Variants in TUBA4B observed in about 807,000 individuals in gnomAD.
The protein encoded by TUBA4B is tubulin-like protein alpha-4B.
Under a neutral mutation model 18.4 loss-of-function variants are expected in TUBA4B, and 13 were observed. The ratio of observed to expected loss-of-function variants is 0.71; its 90% CI spans 0.46 to 1.12. TUBA4B has a LOEUF of 1.12. TUBA4B is among the 50% of genes most tolerant of loss of function. TUBA4B has a pLI of 0.00. For missense variants in TUBA4B, 244 were observed against 250.0 expected (o/e 0.98, Z 0.16); for synonymous variants, 101 against 99.1 (o/e 1.02, Z -0.11).
rs778296774 is a variant in TUBA4B at position 219,271,213 on chromosome 2, T to G, written c.240T>G (p.Leu80=). The stretch of plus-strand genomic sequence containing the variant: ...AGGGCTTCCTGGTGTTCCACAGCCT[T>G]GGTCGGGGCACTGGCTCTGACGTCA... ...GLQGFLVFHS[L]GRGTGSDVTS... is the part of the protein sequence containing the mutation. The change falls in exon 4 of 4, where the codon CTT becomes CTG. Residue 80 remains leucine, a synonymous_variant. Coordinates refer to ENST00000490341, the MANE Select transcript of TUBA4B (RefSeq NM_001355221.1). 2 of 1,141,196 alleles carry G rather than the reference T, an allele frequency of 1.8e-6. No individual in the cohort carries two copies. The highest frequency in any genetic ancestry group is 3.4e-5 in the Admixed American group (2 of 59,246). 70.7% of individuals were successfully genotyped at this position (1,141,196 alleles called of 1,614,324 possible).
chr2:219,266,328 C>T (rs890979479), intron 1 of TUBA4B, 193 bp from the exon 2 acceptor site: 11 of 572,964 alleles, frequency 1.9e-5, no homozygotes, highest in Non-Finnish European at 3.1e-5. Flanking sequence ...CCTCTGCCCA[C>T]CTCAGCTGGC....
rs1407573086 is a variant in TUBA4B, at chr2:219,270,209, C to T, written c.66C>T (p.Tyr22=). ...CAGATGAACTTTGAACAGGCACATACCGCCAGATCTTCCATCCAGAGCAGC... is the reference window on the plus strand; with the variant it reads ...CAGATGAACTTTGAACAGGCACATATCGCCAGATCTTCCATCCAGAGCAGC... The part of the protein sequence containing the change: ...SQPLSRQHGT[Y]RQIFHPEQLI... The change falls in exon 3 of 4, where the codon TAC becomes TAT. Residue 22 remains tyrosine (Y), a synonymous_variant. Transcript: ENST00000490341. 1.3e-6 allele frequency: 1 copy of T among 753,106 alleles called. No homozygotes were observed. The highest frequency in any genetic ancestry group is 1.7e-5 in the African/African-American group (1 of 58,902). 46.7% of individuals were successfully genotyped at this position (753,106 alleles called of 1,614,324 possible). A position where few individuals can be genotyped will look rare whatever the true frequency, so the allele number is the denominator to read the frequency against.
At chr2:219,255,566 C>T (rs562003007) in intron 1 of TUBA4B, among the ~76,000 whole-genome samples, 3 of 152,172 alleles carry the variant, frequency 2.0e-5, no homozygotes, top group African/African-American at 7.2e-5. Flanking sequence ...GACAAGGTCT[C>T]GCCATATTGT....
At chr2:219,256,033 A>T (rs1397314205) in intron 1 of TUBA4B, among the ~76,000 whole-genome samples, 1 of 152,210 alleles carries the variant, frequency 6.6e-6, no homozygotes, top group Non-Finnish European at 1.5e-5. Flanking sequence ...CCTACAAAGA[A>T]AGGAGCCGTG....
In TUBA4B at chr2:219,266,566, G is replaced by C; in HGVS notation, c.58G>C (p.Gly20Arg). ...DPSQPLSRQHGTYRQIFHPEQ... is the reference protein window; with the variant it reads ...DPSQPLSRQHRTYRQIFHPEQ... The stretch of plus-strand genomic sequence containing the variant: ...CAGCCAGCCCCTGTCCAGGCAGCAT[G>C]GTGAGTAGAAGGGGCCTTGGGGGGA... Residue 20 changes from glycine to arginine, a missense_variant and splice_region_variant, in exon 2 of 4, where the codon GGC becomes CGC. Physicochemically the swap from Gly to Arg is moderately radical, Grantham distance 125 (BLOSUM62 -2). Coordinates refer to ENST00000490341, the MANE Select transcript of TUBA4B (RefSeq NM_001355221.1). The C allele has an allele frequency of 1.4e-6, 1 of 703,022 alleles. No homozygotes were observed. Among genetic ancestry groups the C allele is most frequent in the Admixed American group, 2.0e-5 (1 of 50,010 alleles). 43.5% of individuals were successfully genotyped at this position (703,022 alleles called of 1,614,324 possible).
intron 1 of TUBA4B, among the ~76,000 whole-genome samples, chr2:219,256,376 G>T (rs116609197): frequency 0.016 from 2,491 of 152,298 alleles, 34 homozygotes; most frequent in Non-Finnish European, 0.027. Context: ...AACTATTGGA[G>T]GTAAGGACTG....
At chr2:219,254,479 C>T (rs1203939288) in intron 1 of TUBA4B, 1 of 152,300 alleles carries the variant, frequency 6.6e-6, no homozygotes, top group Non-Finnish European at 1.5e-5. Flanking sequence ...CAGAACTGCA[C>T]AGCCTGAGCC....
intron 1 of TUBA4B, among the ~76,000 whole-genome samples, chr2:219,262,462 T>G (rs997327669): frequency 1.6e-4 from 25 of 152,230 alleles, no homozygotes; most frequent in African/African-American, 5.8e-4. Flanking sequence ...CTATCTGGAA[T>G]GTTCTTGTTT....
chr2:219,265,490 A>G (rs1303008404), intron 1 of TUBA4B, among the ~76,000 whole-genome samples: 1 of 152,148 alleles, frequency 6.6e-6, no homozygotes, highest in African/African-American at 2.4e-5. Context: ...TATAAAAATT[A>G]GCCAGGCCTG....
At chr2:219,253,713 T>C in intron 1 of TUBA4B, 1 of 1,021,890 alleles carries the variant, frequency 9.8e-7, no homozygotes, top group Non-Finnish European at 1.4e-6. Flanking sequence ...AGGAGGGGGT[T>C]GGGGAGGGAG....
At chr2:219,270,070 T>C (rs914025345) in intron 2 of TUBA4B, 132 bp from the exon 3 acceptor site, 1 of 623,216 alleles carries the variant, frequency 1.6e-6, no homozygotes, top group Non-Finnish European at 2.9e-6. Context: ...AAGCAGGTAA[T>C]AGCAGCAGCC....
chr2:219,263,319 ACT>A (rs922653537), intron 1 of TUBA4B, among the ~76,000 whole-genome samples: 8 of 152,050 alleles, frequency 5.3e-5, no homozygotes, highest in African/African-American at 1.9e-4. Context: ...ATGGTGAAAC[ACT>A]GTCTCTACTA....
intron 1 of TUBA4B, chr2:219,266,241 G>A (rs1007466282): frequency 2.5e-6 from 1 of 399,990 alleles, no homozygotes. Flanking sequence ...ACCAGGAAAT[G>A]GGATTGCGTG....
chr2:219,253,971 G>T, intron 1 of TUBA4B: 1 of 1,141,470 alleles, frequency 8.8e-7, no homozygotes, highest in Non-Finnish European at 1.2e-6. Flanking sequence ...CGGGGCCCGC[G>T]TTCCCCGCTC....
intron 2 of TUBA4B, among the ~76,000 whole-genome samples, chr2:219,269,808 T>G (rs566025549): frequency 6.6e-5 from 10 of 152,226 alleles, no homozygotes; most frequent in African/African-American, 2.4e-4. Flanking sequence ...GGGAAACATG[T>G]GCCCCAGGCG....
intron 1 of TUBA4B, among the ~76,000 whole-genome samples, chr2:219,265,877 G>C (rs1485206156): frequency 6.6e-6 from 1 of 152,140 alleles, no homozygotes; most frequent in Non-Finnish European, 1.5e-5. Flanking sequence ...ACTTAAGAAA[G>C]GTTACCTTGT....
chr2:219,265,920 C>G (rs188084079), intron 1 of TUBA4B, among the ~76,000 whole-genome samples: 2 of 152,128 alleles, frequency 1.3e-5, no homozygotes, highest in Non-Finnish European at 2.9e-5. Flanking sequence ...TCCCCATTCT[C>G]CAGAGAGAGA....
intron 2 of TUBA4B, among the ~76,000 whole-genome samples, chr2:219,269,415 C>T (rs926740042): frequency 3.3e-5 from 5 of 152,148 alleles, no homozygotes. Context: ...TCTGCTTCCC[C>T]CAATGATTTT....
At chr2:219,267,464 C>CTAG (rs1951797091) in intron 2 of TUBA4B, among the ~76,000 whole-genome samples, 1 of 152,128 alleles carries the variant, frequency 6.6e-6, no homozygotes. Context: ...TCTTCTCTTT[C>CTAG]TACAGTCATG....
Sources: gnomAD v4.1 joint callset for allele counts (sites outside exome capture counted in the v4.1 genomes callset) on GRCh38, gnomAD v4.1.1 for gene constraint, MANE v1.5 for transcripts, NCBI Gene and HGNC (gene_info 2026-07-23, HGNC 2026-07-21) for gene names.